TSPEAR: variants seen among roughly 807,000 people sequenced by gnomAD.
TSPEAR encodes the protein thrombospondin-type laminin G domain and EAR repeat-containing protein.
A neutral mutation model predicts 71.6 loss-of-function variants in TSPEAR; 69 were observed. The observed-to-expected ratio is 0.96, with a 90% CI of 0.79 to 1.18. The LOEUF is 1.18. Among genes scored for constraint, TSPEAR ranks in the 50% most tolerant of loss-of-function variants. TSPEAR has a pLI of 0.00. For missense variants in TSPEAR, 971 were observed against 894.9 expected (o/e 1.09, Z -1.09); for synonymous variants, 402 against 387.2 (o/e 1.04, Z -0.45).
intron 1 of TSPEAR, among the ~76,000 whole-genome samples, chr21:44,577,723 G>T (rs1978554781): frequency 1.3e-5 from 2 of 152,026 alleles, no homozygotes; most frequent in South Asian, 4.2e-4. Context: ...AATAGAAAGT[G>T]GACAAACAGG....
At chr21:44,653,595 T>C (rs782564087) in intron 1 of TSPEAR, among the ~76,000 whole-genome samples, 15 of 152,296 alleles carry the variant, frequency 9.8e-5, no homozygotes, top group Admixed American at 8.5e-4. Flanking sequence ...AGATTTAAAT[T>C]TAGTTTAAGG....
At position 44,522,039 on chromosome 21, in the gene TSPEAR, G is replaced by C. The variant is rs782778054; in HGVS notation, c.1410C>G (p.Thr470=). 1.2e-6 allele frequency: 2 copies of C among 1,614,172 alleles called. No individual in the cohort carries two copies. The highest frequency in any genetic ancestry group is 2.7e-5 in the African/African-American group (2 of 75,040). The change falls in exon 9 of 12, where the codon ACC becomes ACG. Residue 470 remains threonine (T), a synonymous_variant. Coordinates refer to ENST00000323084, the MANE Select transcript of TSPEAR (RefSeq NM_144991.3). ...PATRLFEANQ[T]IATSGAYDWE... The stretch of plus-strand genomic sequence containing the variant: ...AGTCGTAGGCGCCGGAGGTGGCGAT[G>C]GTCTGGTTGGCCTCGAAGAGCCGGG...
intron 1 of TSPEAR, chr21:44,666,401 T>G (rs1388042735): frequency 1.3e-6 from 2 of 1,547,292 alleles, no homozygotes; most frequent in South Asian, 2.5e-5. Flanking sequence ...AGTGTACAGG[T>G]GTGGCCTCAT....
chr21:44,658,307 T>G lies in TSPEAR; in HGVS notation c.82+53126A>C, dbSNP rs1555943019. ...TGGTACACGGGGGTACACACCTGTATCCCTCCGTGAATAAGCATCTGGTGG... is the reference window on the plus strand; with the variant it reads ...TGGTACACGGGGGTACACACCTGTAGCCCTCCGTGAATAAGCATCTGGTGG... On this transcript the variant is annotated intron_variant, in intron 1 of 11. Transcript: ENST00000323084. 3 of 1,588,774 alleles carry G rather than the reference T, an allele frequency of 1.9e-6. No individual in the cohort carries two copies. The Admixed American group carries it at 5.1e-5, about 27-fold the overall frequency.
chr21:44,604,558 T>C (rs1185596084), intron 1 of TSPEAR, among the ~76,000 whole-genome samples: 1 of 152,226 alleles, frequency 6.6e-6, no homozygotes, highest in Non-Finnish European at 1.5e-5. Flanking sequence ...ACTTCTTTCT[T>C]TTCTATTCAG....
At chr21:44,654,743 T>G in intron 1 of TSPEAR, 1 of 637,974 alleles carries the variant, frequency 1.6e-6, no homozygotes, top group Non-Finnish European at 2.8e-6. Flanking sequence ...TCGTGGGTGG[T>G]TTTTCCTCCT....
chr21:44,499,433 A>C lies in TSPEAR; in HGVS notation c.*350T>G. 4.0e-6 allele frequency: 1 copy of C among 249,752 alleles called. No homozygotes were observed. Among genetic ancestry groups the C allele is most frequent in the South Asian group, 6.0e-5 (1 of 16,580 alleles). The allele number at this position is 249,752 out of a possible 1,614,324, so 15.5% of individuals were successfully genotyped here. On this transcript the variant is annotated 3_prime_UTR_variant, in exon 12 of 12. Transcript: ENST00000323084. ...CTGCAGGAGTGGCTGGCGAGAGGCC[A>C]GCCGCAGGGACATGAACCGAGGTCC...
intron 1 of TSPEAR, chr21:44,657,988 C>T: frequency 1.2e-6 from 2 of 1,613,258 alleles, no homozygotes; most frequent in Non-Finnish European, 1.7e-6. Context: ...CCATGTGCCA[C>T]ACCAGCTGCT....
intron 1 of TSPEAR, chr21:44,647,020 TG>T: frequency 2.5e-6 from 4 of 1,613,868 alleles, no homozygotes; most frequent in Non-Finnish European, 1.7e-6. Context: ...CCAGCAGGCC[TG>T]CTGCGTGCCT....
At chr21:44,568,201 C>G (rs587640168) in intron 1 of TSPEAR, among the ~76,000 whole-genome samples, 196 bp from the exon 2 acceptor site, 24 of 152,260 alleles carry the variant, frequency 1.6e-4, no homozygotes, top group African/African-American at 5.5e-4. Flanking sequence ...CGTGTGGCCT[C>G]CCCCCACCCC....
intron 1 of TSPEAR, among the ~76,000 whole-genome samples, chr21:44,704,141 A>G (rs2250930): frequency 0.92 from 139,728 of 152,224 alleles, 64,411 homozygotes; most frequent in African/African-American, 0.96. Context: ...CAATTAGAAC[A>G]GGGTTGGTGT....
intron 9 of TSPEAR, chr21:44,509,985 TTCCTC>T (rs1460339029): frequency 6.5e-6 from 1 of 153,048 alleles, no homozygotes; most frequent in Non-Finnish European, 1.5e-5. Flanking sequence ...GGCTGAGTCT[TTCCTC>T]TGGCTCTGTA....
chr21:44,559,878 G>A (rs2838591), intron 2 of TSPEAR, among the ~76,000 whole-genome samples: 63,088 of 152,036 alleles, frequency 0.41, 14,608 homozygotes, highest in Non-Finnish European at 0.53. Flanking sequence ...AATTAGGCCA[G>A]GGGTCCACTG....
chr21:44,628,097 C>G, intron 1 of TSPEAR: 1 of 1,578,218 alleles, frequency 6.3e-7, no homozygotes, highest in Non-Finnish European at 8.6e-7. Flanking sequence ...CACCTCCCTG[C>G]CAGTCCTTGG....
chr21:44,708,627 G>A (rs1371956236), intron 1 of TSPEAR, among the ~76,000 whole-genome samples: 1 of 152,188 alleles, frequency 6.6e-6, no homozygotes, highest in Admixed American at 6.5e-5. Context: ...GATGCACACT[G>A]CCCGTCCCCA....
intron 1 of TSPEAR, among the ~76,000 whole-genome samples, chr21:44,573,379 C>T (rs921883274): frequency 4.6e-5 from 7 of 152,028 alleles, no homozygotes; most frequent in Non-Finnish European, 7.4e-5. Context: ...CAGAGCCACC[C>T]GCAGGCACCC....
intron 4 of TSPEAR, 29 bp from the exon 5 acceptor site, chr21:44,529,983 C>T (rs1555915555): frequency 6.5e-7 from 1 of 1,539,944 alleles, no homozygotes. Context: ...CTCCTTCAGG[C>T]CCGCGCTGCT....
rs587679999 is a variant in TSPEAR at position 44,522,212 on chromosome 21, C to A, written c.1337-100G>T. 540 of 1,234,758 alleles carry A rather than the reference C, an allele frequency of 4.4e-4. 1 individual carries two copies. The highest frequency in any genetic ancestry group is 5.9e-4 in the Non-Finnish European group (503 of 848,486). The allele number at this position is 1,234,758 out of a possible 1,614,324, so 76.5% of individuals were successfully genotyped here. ...CCCAGTCCAAGTCCCTCCCCGAGGACCGAAGACCCACGAGGACAAGGCCAA... is the reference window on the plus strand; with the variant it reads ...CCCAGTCCAAGTCCCTCCCCGAGGAACGAAGACCCACGAGGACAAGGCCAA... On this transcript the variant is annotated intron_variant, in intron 8 of 11. Coordinates refer to ENST00000323084, the MANE Select transcript of TSPEAR (RefSeq NM_144991.3).
intron 1 of TSPEAR, among the ~76,000 whole-genome samples, chr21:44,660,632 G>A (rs782520736): frequency 2.6e-5 from 4 of 152,230 alleles, no homozygotes; most frequent in Non-Finnish European, 5.9e-5. Flanking sequence ...TTGAGCCAAG[G>A]AATATGATAG....
Sources: allele counts gnomAD v4.1 joint callset (sites outside exome capture counted in the v4.1 genomes callset), GRCh38; gene constraint gnomAD v4.1.1; transcripts MANE v1.5; gene names NCBI Gene and HGNC (gene_info 2026-07-23, HGNC 2026-07-21).